The following FAM53B variants were observed in gnomAD, a reference collection of about 807,000 sequenced individuals.
FAM53B encodes the protein protein FAM53B.
FAM53B carries 12 observed loss-of-function variants against 32.7 expected under a neutral mutation model. The ratio of observed to expected loss-of-function variants is 0.37; its 90% confidence interval spans 0.24 to 0.59. The LOEUF (loss-of-function observed/expected upper bound fraction) is 0.59. FAM53B is among the 20% of genes least tolerant of loss of function. FAM53B has a pLI of 0.72. For missense variants in FAM53B, 477 were observed against 577.7 expected, an observed-to-expected ratio of 0.83 and a Z score of 1.79; for synonymous variants, 234 against 228.7, an observed-to-expected ratio of 1.02 and a Z score of -0.21.
intron 4 of FAM53B, among the ~76,000 whole-genome samples, chr10:124,655,113 A>G (rs1282159809): frequency 1.3e-5 from 2 of 152,132 alleles, no homozygotes; most frequent in African/African-American, 4.8e-5. Flanking sequence ...CCTCAGGCCC[A>G]GCTTAGGGGC....
At chr10:124,718,112 G>A (rs1283916003) in intron 1 of FAM53B, among the ~76,000 whole-genome samples, 2 of 151,826 alleles carry the variant, frequency 1.3e-5, no homozygotes, top group Admixed American at 6.6e-5. Context: ...CTTTATCTAG[G>A]AGGCCTGCAG....
intron 4 of FAM53B, among the ~76,000 whole-genome samples, chr10:124,670,672 C>T (rs1949702747): frequency 1.3e-5 from 2 of 152,352 alleles, no homozygotes; most frequent in Middle Eastern, 3.4e-3. Context: ...CCCTGATTAT[C>T]TTTGCAAAGC....
intron 4 of FAM53B, among the ~76,000 whole-genome samples, chr10:124,640,390 G>C (rs1027691656): frequency 6.6e-6 from 1 of 152,242 alleles, no homozygotes; most frequent in Non-Finnish European, 1.5e-5. Context: ...GGGATAACAA[G>C]GGGAGTAGGG....
At position 124,623,243 on chromosome 10, in the gene FAM53B, C is replaced by T. The variant is rs541674500; in HGVS notation, c.1268G>A (p.Ter423=). Reference sequence around the variant, plus strand: ...AGCCCTGCCTGGGCCCACACCCCCTCAGTTCTTCTCTATCTGCTCAATGTC... The same window carrying T: ...AGCCCTGCCTGGGCCCACACCCCCTTAGTTCTTCTCTATCTGCTCAATGTC... The part of the protein sequence containing the change: ...ELDIEQIEKN[*] Residue 423 remains the stop codon, a stop_retained_variant, in exon 5 of 5, where the codon TGA becomes TAA. Coordinates refer to ENST00000337318, the MANE Select transcript of FAM53B (RefSeq NM_014661.4). 6.9e-6 allele frequency: 11 copies of T among 1,591,640 alleles called. No homozygotes were observed. In the South Asian group the frequency reaches 1.3e-4, roughly 18 times the overall value.
intron 4 of FAM53B, among the ~76,000 whole-genome samples, chr10:124,625,517 C>A (rs944358692): frequency 2.0e-5 from 3 of 152,198 alleles, no homozygotes; most frequent in Non-Finnish European, 4.4e-5. Context: ...GACCCCTGCA[C>A]AACAGCCCCA....
chr10:124,690,614 A>C (rs1217049288), intron 3 of FAM53B, among the ~76,000 whole-genome samples: 1 of 152,242 alleles, frequency 6.6e-6, no homozygotes, highest in Non-Finnish European at 1.5e-5. Flanking sequence ...CCATGTGCCA[A>C]CCACATTTTA....
chr10:124,698,208 C>T lies in FAM53B; in HGVS notation c.79-1996G>A, dbSNP rs369386890. On this transcript the variant is annotated intron_variant, in intron 2 of 4. Coordinates refer to ENST00000337318, the MANE Select transcript of FAM53B (RefSeq NM_014661.4). ...AACCCCGGCCCCCAGCCCGTGCCTG[C>T]CAGGTGGGAGAAGGTAACCCAGGGT... Among the ~76,000 whole-genome samples, 54 of 152,278 alleles carry T rather than the reference C, an allele frequency of 3.5e-4. No homozygotes were observed. The South Asian group carries it at 0.011, about 31-fold the overall frequency.
intron 3 of FAM53B, among the ~76,000 whole-genome samples, chr10:124,692,495 A>AC (rs2134075280): frequency 6.6e-6 from 1 of 152,146 alleles, no homozygotes; most frequent in South Asian, 2.1e-4. Context: ...CGGGTGGATC[A>AC]CCTGAGGTCA....
intron 4 of FAM53B, among the ~76,000 whole-genome samples, chr10:124,653,937 G>A (rs1461083785): frequency 2.0e-5 from 3 of 152,176 alleles, no homozygotes; most frequent in East Asian, 1.9e-4. Flanking sequence ...CCAGGAGCCC[G>A]GTCCCACCTG....
At chr10:124,698,991 A>G (rs1949894421) in intron 2 of FAM53B, among the ~76,000 whole-genome samples, 2 of 151,880 alleles carry the variant, frequency 1.3e-5, no homozygotes, top group Non-Finnish European at 2.9e-5. Flanking sequence ...AGTCACTACC[A>G]TCTCAGGGGC....
chr10:124,720,586 C>T (rs1324034334), intron 1 of FAM53B, among the ~76,000 whole-genome samples: 1 of 152,190 alleles, frequency 6.6e-6, no homozygotes, highest in African/African-American at 2.4e-5. Flanking sequence ...GACATTGAAG[C>T]ACCAAAACCC....
chr10:124,622,944 A>C lies in FAM53B; in HGVS notation c.*298T>G. The C allele has an allele frequency of 3.2e-6, 1 of 316,318 alleles. No individual in the cohort carries two copies. The highest frequency in any genetic ancestry group is 5.9e-6 in the Non-Finnish European group (1 of 170,526). The allele number at this position is 316,318 out of a possible 1,614,324, so 19.6% of individuals were successfully genotyped here. On this transcript the variant is annotated 3_prime_UTR_variant, in exon 5 of 5. Coordinates refer to ENST00000337318, the MANE Select transcript of FAM53B (RefSeq NM_014661.4). Reference sequence around the variant, plus strand: ...CAACAGAGACTGCCCAACATCCCACAGGGAAAGAGGCAGAAAAGACGCAAA... The same window carrying C: ...CAACAGAGACTGCCCAACATCCCACCGGGAAAGAGGCAGAAAAGACGCAAA...
chr10:124,670,911 G>A (rs1243565604), intron 4 of FAM53B, among the ~76,000 whole-genome samples: 1 of 152,188 alleles, frequency 6.6e-6, no homozygotes, highest in Non-Finnish European at 1.5e-5. Context: ...TTTCTGCATT[G>A]CAGAAACATC....
At chr10:124,669,574 G>A (rs916308291) in intron 4 of FAM53B, among the ~76,000 whole-genome samples, 1 of 152,208 alleles carries the variant, frequency 6.6e-6, no homozygotes, top group African/African-American at 2.4e-5. Flanking sequence ...CAGGTCCTGG[G>A]CCAAAGGCTG....
At chr10:124,666,776 G>A (rs530743554) in intron 4 of FAM53B, among the ~76,000 whole-genome samples, 6 of 152,338 alleles carry the variant, frequency 3.9e-5, no homozygotes, top group South Asian at 2.1e-4. Flanking sequence ...CGGGCCTCCC[G>A]GACCAGCCCC....
intron 1 of FAM53B, among the ~76,000 whole-genome samples, chr10:124,736,456 A>C (rs1950174762): frequency 6.6e-6 from 1 of 152,256 alleles, no homozygotes; most frequent in African/African-American, 2.4e-5. Flanking sequence ...CTCCTCACCC[A>C]GATCATGGAG....
At chr10:124,701,014 G>C (rs527389110) in intron 2 of FAM53B, among the ~76,000 whole-genome samples, 1 of 152,220 alleles carries the variant, frequency 6.6e-6, no homozygotes, top group Non-Finnish European at 1.5e-5. Context: ...TCAAAGATGC[G>C]GATAGAGATA....
intron 4 of FAM53B, among the ~76,000 whole-genome samples, chr10:124,648,486 C>T (rs1405556507): frequency 6.6e-6 from 1 of 152,208 alleles, no homozygotes; most frequent in Non-Finnish European, 1.5e-5. Context: ...TGGGAGCCTC[C>T]CCCATCTGTA....
intron 4 of FAM53B, among the ~76,000 whole-genome samples, chr10:124,629,330 C>T (rs1165526554): frequency 6.6e-6 from 1 of 152,222 alleles, no homozygotes; most frequent in Non-Finnish European, 1.5e-5. Flanking sequence ...TTTGGGCAAG[C>T]GAAGACCACT....
Sources: allele counts gnomAD v4.1 joint callset (sites outside exome capture counted in the v4.1 genomes callset), GRCh38; gene constraint gnomAD v4.1.1; transcripts MANE v1.5; gene names NCBI Gene and HGNC (gene_info 2026-07-23, HGNC 2026-07-21).